Variants in CBLB observed in about 807,000 individuals in gnomAD.
CBLB encodes E3 ubiquitin-protein ligase CBL-B.
In CBLB, 31 loss-of-function variants were observed where a neutral mutation model predicts 104.9. The ratio of observed to expected loss-of-function variants is 0.30; its 90% CI spans 0.22 to 0.40. The LOEUF (loss-of-function observed/expected upper bound fraction) is 0.40, where lower values mean the gene tolerates loss of function less well. Among genes scored for constraint, CBLB ranks in the 10% least tolerant of loss-of-function variants. CBLB has a pLI of 1.00. For missense variants in CBLB, 1,062 were observed against 1,214.6 expected, an observed-to-expected ratio of 0.87 and a Z score of 1.87; for synonymous variants, 440 against 422.6, an observed-to-expected ratio of 1.04 and a Z score of -0.51.
rs2063453918 is a variant in CBLB at position 105,657,930 on chromosome 3, G to A, written c.*1040C>T. ...GAACTGGTTCCCACAGCTCTTAGGAGATAGAGTGTAATCACTTAAATGGGA... is the reference window on the plus strand; with the variant it reads ...GAACTGGTTCCCACAGCTCTTAGGAAATAGAGTGTAATCACTTAAATGGGA... On this transcript the variant is annotated 3_prime_UTR_variant, in exon 19 of 19. Transcript: ENST00000394030. 2 of 211,686 alleles carry A rather than the reference G, an allele frequency of 9.4e-6. No individual in the cohort carries two copies. The highest frequency in any genetic ancestry group is 1.9e-5 in the Non-Finnish European group (2 of 104,578). 13.1% of individuals were successfully genotyped at this position (211,686 alleles called of 1,614,324 possible).
chr3:105,695,982 TGAAA>T (rs1308426741), intron 12 of CBLB, among the ~76,000 whole-genome samples: 9 of 151,694 alleles, frequency 5.9e-5, no homozygotes, highest in African/African-American at 9.7e-5. Context: ...TAGGTTTAGC[TGAAA>T]GAAATTCATT....
chr3:105,747,829 C>G (rs2076254087), intron 5 of CBLB, among the ~76,000 whole-genome samples: 1 of 151,854 alleles, frequency 6.6e-6, no homozygotes, highest in African/African-American at 2.4e-5. Flanking sequence ...AAAAAAAATG[C>G]TAAACTTTAT....
At chr3:105,679,629 A>G (rs770799473) in intron 16 of CBLB, among the ~76,000 whole-genome samples, 1 of 152,060 alleles carries the variant, frequency 6.6e-6, no homozygotes, top group Non-Finnish European at 1.5e-5. Flanking sequence ...ACAAAAAATT[A>G]GCCGGGCATG....
At chr3:105,786,219 C>T (rs1462420885) in intron 3 of CBLB, among the ~76,000 whole-genome samples, 3 of 152,000 alleles carry the variant, frequency 2.0e-5, no homozygotes, top group Non-Finnish European at 2.9e-5. Context: ...AGGATATACA[C>T]AAAAAGGCAT....
chr3:105,831,344 C>T (rs889511291), intron 3 of CBLB, among the ~76,000 whole-genome samples: 2 of 152,190 alleles, frequency 1.3e-5, no homozygotes, highest in African/African-American at 4.8e-5. Flanking sequence ...GGGAATAGCT[C>T]AAATACATTT....
intron 4 of CBLB, among the ~76,000 whole-genome samples, chr3:105,767,546 A>G (rs2078357711): frequency 8.2e-6 from 1 of 121,760 alleles, no homozygotes; most frequent in Non-Finnish European, 1.6e-5. Flanking sequence ...AATTTTTAAA[A>G]TTTTTCTTTT....
intron 3 of CBLB, among the ~76,000 whole-genome samples, chr3:105,836,794 G>A (rs1374578398): frequency 1.3e-5 from 2 of 152,026 alleles, no homozygotes; most frequent in African/African-American, 4.8e-5. Context: ...GTGAGGGGGC[G>A]CAACGATAAT....
intron 9 of CBLB, among the ~76,000 whole-genome samples, chr3:105,729,431 C>G (rs2074057998): frequency 6.6e-6 from 1 of 151,942 alleles, no homozygotes; most frequent in Admixed American, 6.6e-5. Context: ...TCTACCAAAC[C>G]AGTAAGAGGA....
At chr3:105,767,113 T>C (rs2078310522) in intron 4 of CBLB, among the ~76,000 whole-genome samples, 3 of 152,128 alleles carry the variant, frequency 2.0e-5, no homozygotes, top group Admixed American at 6.5e-5. Flanking sequence ...CAAAGGGAGG[T>C]AGCTAACTAG....
At chr3:105,702,957 A>G (rs1028840778) in intron 11 of CBLB, among the ~76,000 whole-genome samples, 4 of 152,160 alleles carry the variant, frequency 2.6e-5, no homozygotes, top group African/African-American at 9.7e-5. Flanking sequence ...ATATGGGGGC[A>G]AATGTGCTCT....
intron 13 of CBLB, among the ~76,000 whole-genome samples, 186 bp from the exon 14 acceptor site, chr3:105,685,652 G>A (rs940932566): frequency 6.6e-6 from 1 of 152,096 alleles, no homozygotes; most frequent in African/African-American, 2.4e-5. Flanking sequence ...CTTTTGTTAA[G>A]ACCCTTGATG....
intron 3 of CBLB, among the ~76,000 whole-genome samples, chr3:105,804,135 C>T (rs1391426983): frequency 9.9e-5 from 15 of 152,130 alleles, no homozygotes; most frequent in Admixed American, 9.8e-4. Context: ...ATGGTGGTCA[C>T]TCAGGATGTG....
In CBLB at chr3:105,709,381, C is replaced by T. The variant is rs547043527; in HGVS notation, c.1408-5208G>A. 9.7e-4 allele frequency among the ~76,000 whole-genome samples: 148 copies of T among 151,854 alleles called. 1 individual carries two copies. The highest frequency in any genetic ancestry group is 2.1e-4 in the Non-Finnish European group (14 of 67,768). On this transcript the variant is annotated intron_variant, in intron 10 of 18. Transcript: ENST00000394030. ...GGTTTTGGCAGTTCTGTCCTTGTAT[C>T]TTTTCAATTTTCTGTTTATTTCACT...
At chr3:105,758,955 G>T (rs1245299792) in intron 4 of CBLB, among the ~76,000 whole-genome samples, 1 of 152,254 alleles carries the variant, frequency 6.6e-6, no homozygotes, top group Admixed American at 6.5e-5. Flanking sequence ...GGGCGTGAAG[G>T]GGGTGGAGGG....
At chr3:105,776,273 A>C in intron 4 of CBLB, 123 bp downstream of exon 4, 2 of 879,818 alleles carry the variant, frequency 2.3e-6, no homozygotes, top group African/African-American at 1.7e-5. Flanking sequence ...CAAAATGCTT[A>C]TCAAAAATAA....
chr3:105,839,613 A>T (rs1341858367), intron 3 of CBLB: 4 of 152,244 alleles, frequency 2.6e-5, no homozygotes, highest in African/African-American at 9.6e-5. Flanking sequence ...CCAGAGAGTA[A>T]AAGTTTTCAG....
chr3:105,845,223 C>A (rs1379217973), intron 3 of CBLB, among the ~76,000 whole-genome samples: 1 of 151,390 alleles, frequency 6.6e-6, no homozygotes, highest in Non-Finnish European at 1.5e-5. Flanking sequence ...TTAACAAATG[C>A]TCATCTGTGG....
intron 3 of CBLB, among the ~76,000 whole-genome samples, chr3:105,836,632 C>T (rs756480113): frequency 3.5e-4 from 53 of 152,068 alleles, no homozygotes; most frequent in Non-Finnish European, 5.4e-4. Context: ...GCAAATATGA[C>T]GGTTTCTTAC....
chr3:105,770,242 T>C (rs943803494), intron 4 of CBLB, among the ~76,000 whole-genome samples: 2 of 152,190 alleles, frequency 1.3e-5, no homozygotes, highest in East Asian at 1.9e-4. Context: ...GTGAAAGAAT[T>C]GGGAGGCTAT....
Sources: allele counts gnomAD v4.1 joint callset (sites outside exome capture counted in the v4.1 genomes callset), GRCh38; gene constraint gnomAD v4.1.1; transcripts MANE v1.5; gene names NCBI Gene and HGNC (gene_info 2026-07-23, HGNC 2026-07-21).